Variants in PTPRK observed in about 807,000 individuals in gnomAD.
PTPRK encodes receptor-type tyrosine-protein phosphatase kappa.
Under a neutral mutation model 178.0 loss-of-function variants are expected in PTPRK, and 75 were observed. The ratio of observed to expected loss-of-function variants is 0.42; its 90% CI spans 0.35 to 0.51. The LOEUF is 0.51. Ranked by LOEUF, PTPRK falls within the 20% of genes least tolerant of loss-of-function variation. The pLI is 0.02. For missense variants in PTPRK, 1,441 were observed against 1,797.8 expected (o/e 0.80, Z 3.59); for synonymous variants, 637 against 620.6 (o/e 1.03, Z -0.39).
intron 13 of PTPRK, among the ~76,000 whole-genome samples, chr6:128,010,112 A>G (rs1357453898): frequency 6.6e-6 from 1 of 151,326 alleles, no homozygotes; most frequent in African/African-American, 2.4e-5. Flanking sequence ...TTATCGATAA[A>G]GGAACTGAGG....
chr6:128,235,012 G>A (rs542570250), intron 5 of PTPRK, among the ~76,000 whole-genome samples: 106 of 152,156 alleles, frequency 7.0e-4, no homozygotes, highest in African/African-American at 2.4e-3. Flanking sequence ...AAGTGGAATT[G>A]GAATGTCCTT....
Position 128,475,322 on chromosome 6 carries a change from T to C in PTPRK, c.100+44937A>G, listed in dbSNP as rs534628633. Among the ~76,000 whole-genome samples, 3 of 152,218 alleles carry C rather than the reference T, an allele frequency of 2.0e-5. No homozygotes were observed. The South Asian group carries it at 6.2e-4, about 32-fold the overall frequency. ...ATTTGAGAGGTAAAGCTACTTTCTG[T>C]TGGCAATAGGGAGGCAGTGAACATT... On this transcript the variant is annotated intron_variant, in intron 1 of 29. Coordinates refer to ENST00000368226, the MANE Select transcript of PTPRK (RefSeq NM_002844.4).
At chr6:128,124,307 C>G (rs1238130043) in intron 7 of PTPRK, among the ~76,000 whole-genome samples, 1 of 152,152 alleles carries the variant, frequency 6.6e-6, no homozygotes, top group Non-Finnish European at 1.5e-5. Flanking sequence ...CACGGCCTCC[C>G]AAAGTGCTGG....
chr6:128,353,039 C>A (rs542830315), intron 2 of PTPRK, among the ~76,000 whole-genome samples: 1 of 152,092 alleles, frequency 6.6e-6, no homozygotes, highest in Non-Finnish European at 1.5e-5. Flanking sequence ...AAAGAACACT[C>A]AGCACTTAAA....
intron 3 of PTPRK, among the ~76,000 whole-genome samples, chr6:128,255,514 C>A (rs921309548): frequency 1.3e-5 from 2 of 152,172 alleles, no homozygotes; most frequent in Non-Finnish European, 2.9e-5. Flanking sequence ...GAAAGAGCCA[C>A]TCAAATGATT....
intron 15 of PTPRK, chr6:128,000,095 T>C: frequency 1.0e-6 from 1 of 968,608 alleles, no homozygotes; most frequent in Non-Finnish European, 1.2e-6. Flanking sequence ...AAAAAACAAA[T>C]GTTTTAAGGG....
At chr6:128,122,437 A>G (rs1792632204) in intron 7 of PTPRK, among the ~76,000 whole-genome samples, 1 of 152,168 alleles carries the variant, frequency 6.6e-6, no homozygotes, top group Non-Finnish European at 1.5e-5. Context: ...GTTCTATCAC[A>G]AGAACCCCTC....
At chr6:128,149,005 T>C (rs763197264) in intron 7 of PTPRK, among the ~76,000 whole-genome samples, 2 of 151,952 alleles carry the variant, frequency 1.3e-5, no homozygotes, top group Non-Finnish European at 2.9e-5. Context: ...GGGGAATTCA[T>C]TGACGATATC....
chr6:128,274,525 T>C (rs1820414931), intron 3 of PTPRK, among the ~76,000 whole-genome samples: 1 of 152,110 alleles, frequency 6.6e-6, no homozygotes, highest in Admixed American at 6.6e-5. Flanking sequence ...GGATCTACAA[T>C]TTCATGAATT....
At chr6:128,372,675 T>C (rs1836456613) in intron 2 of PTPRK, among the ~76,000 whole-genome samples, 1 of 152,148 alleles carries the variant, frequency 6.6e-6, no homozygotes, top group African/African-American at 2.4e-5. Flanking sequence ...AGAGTTGATT[T>C]TCATTATGTT....
At chr6:128,485,544 A>T (rs767106475) in intron 1 of PTPRK, among the ~76,000 whole-genome samples, 15 of 152,220 alleles carry the variant, frequency 9.9e-5, no homozygotes, top group Non-Finnish European at 2.2e-4. Flanking sequence ...AGACACAGAG[A>T]TAATGTGTCT....
chr6:128,246,338 C>T (rs969239229), intron 3 of PTPRK, among the ~76,000 whole-genome samples: 1 of 151,922 alleles, frequency 6.6e-6, no homozygotes, highest in African/African-American at 2.4e-5. Flanking sequence ...TACTACACCC[C>T]TGAGAAAAAG....
chr6:128,363,064 T>C (rs1014352707), intron 2 of PTPRK, among the ~76,000 whole-genome samples: 5 of 152,162 alleles, frequency 3.3e-5, no homozygotes, highest in Non-Finnish European at 7.4e-5. Context: ...ACCTTAACTC[T>C]ATAAACTTAA....
At chr6:128,100,181 C>A (rs1788558022) in intron 7 of PTPRK, among the ~76,000 whole-genome samples, 1 of 151,880 alleles carries the variant, frequency 6.6e-6, no homozygotes, top group South Asian at 2.1e-4. Flanking sequence ...AGGCGACTTG[C>A]AAGGATTAAT....
chr6:128,148,382 G>A (rs1796784535), intron 7 of PTPRK, among the ~76,000 whole-genome samples: 1 of 152,060 alleles, frequency 6.6e-6, no homozygotes, highest in Non-Finnish European at 1.5e-5. Context: ...TATGTAAAAT[G>A]CTATGCAAAG....
intron 7 of PTPRK, among the ~76,000 whole-genome samples, chr6:128,175,057 CA>C (rs1262213184): frequency 1.3e-5 from 2 of 151,804 alleles, no homozygotes; most frequent in African/African-American, 2.4e-5. Flanking sequence ...AGCTAGAGAA[CA>C]GAGTTTTTAT....
At chr6:128,405,037 T>C (rs1362633279) in intron 1 of PTPRK, among the ~76,000 whole-genome samples, 1 of 152,186 alleles carries the variant, frequency 6.6e-6, no homozygotes, top group African/African-American at 2.4e-5. Context: ...CCTATGAGAA[T>C]AGACATGTGG....
chr6:128,003,547 A>C (rs1778083105), intron 15 of PTPRK, among the ~76,000 whole-genome samples: 1 of 151,852 alleles, frequency 6.6e-6, no homozygotes, highest in South Asian at 2.1e-4. Flanking sequence ...TTAAAGAAAT[A>C]ATTATCTCAT....
chr6:128,003,301 A>T (rs1023925067), intron 15 of PTPRK: 7 of 1,329,252 alleles, frequency 5.3e-6, no homozygotes, highest in Non-Finnish European at 6.3e-6. Flanking sequence ...TTTTTTCTTT[A>T]AAATAGATTT....
Sources: gnomAD v4.1 joint callset for allele counts (sites outside exome capture counted in the v4.1 genomes callset) on GRCh38, gnomAD v4.1.1 for gene constraint, MANE v1.5 for transcripts, NCBI Gene and HGNC (gene_info 2026-07-23, HGNC 2026-07-21) for gene names.